Variants in TJP1 observed in about 807,000 individuals in gnomAD.
The protein encoded by TJP1 is tight junction protein 1.
In TJP1, 43 loss-of-function variants were observed where a neutral mutation model predicts 194.2. That is an observed-to-expected ratio of 0.22 (90% CI 0.17 to 0.29). TJP1 has a LOEUF of 0.29. Ranked by LOEUF, TJP1 falls within the 10% of genes least tolerant of loss-of-function variation. TJP1 has a pLI of 1.00. For missense variants in TJP1, 1,971 were observed against 2,185.7 expected (o/e 0.90, Z 1.96); for synonymous variants, 801 against 779.0 (o/e 1.03, Z -0.47).
At chr15:29,956,544 G>A (rs185046201) in intron 1 of TJP1, among the ~76,000 whole-genome samples, 2 of 152,276 alleles carry the variant, frequency 1.3e-5, no homozygotes, top group East Asian at 1.9e-4. Context: ...CTATTTCTTA[G>A]CTAGTTAAGA....
intron 1 of TJP1, among the ~76,000 whole-genome samples, chr15:29,958,902 T>C (rs2056049872): frequency 1.6e-5 from 2 of 122,500 alleles, no homozygotes; most frequent in Admixed American, 1.6e-4. Flanking sequence ...CTTCTCCAGA[T>C]TGCAAACTTG....
rs1596039654 is a variant in TJP1 at position 29,822,180 on chromosome 15, G to A, written c.-152C>T. On this transcript the variant is annotated 5_prime_UTR_variant, in exon 1 of 28. Transcript: ENST00000614355. The stretch of plus-strand genomic sequence containing the variant: ...GCCGGAAGGGCCCGGCCCAGGGGGA[G>A]GGAATTCAACTCGGACAAAAGTCCG... 5 of 1,180,586 alleles carry A rather than the reference G, an allele frequency of 4.2e-6. No homozygotes were observed. Among genetic ancestry groups the A allele is most frequent in the South Asian group, 4.3e-5 (1 of 23,086 alleles). 73.1% of individuals were successfully genotyped at this position (1,180,586 alleles called of 1,614,324 possible).
intron 2 of TJP1, among the ~76,000 whole-genome samples, chr15:29,794,961 C>T (rs1320159954): frequency 1.3e-5 from 2 of 152,032 alleles, no homozygotes; most frequent in Non-Finnish European, 2.9e-5. Flanking sequence ...AATTGTCAAA[C>T]CTCTAGCCAG....
At chr15:29,816,298 G>C (rs1474869726) in intron 1 of TJP1, among the ~76,000 whole-genome samples, 3 of 151,896 alleles carry the variant, frequency 2.0e-5, no homozygotes, top group Non-Finnish European at 2.9e-5. Context: ...CAAAGTGCAG[G>C]GATTACATGC....
chr15:29,845,761 G>A (rs1019248074), intron 2 of TJP1, among the ~76,000 whole-genome samples: 3 of 152,068 alleles, frequency 2.0e-5, no homozygotes, highest in South Asian at 4.1e-4. Flanking sequence ...CTGATATAGC[G>A]CCACTGCACT....
rs747571925 is a variant in TJP1 at position 29,726,877 on chromosome 15, T to C, written c.2215A>G (p.Met739Val). 9.9e-6 allele frequency: 16 copies of C among 1,614,206 alleles called. No individual in the cohort carries two copies. In the Middle Eastern group the frequency reaches 4.9e-4, roughly 50 times the overall value. ...NPDSKQGVKT[M>V]RMRLCPESRK... Reference sequence around the variant, plus strand: ...GATTCTGGACATAACCTCATTCTCATTGTTTTTACTCCTTGCTTAGAATCA... The same window carrying C: ...GATTCTGGACATAACCTCATTCTCACTGTTTTTACTCCTTGCTTAGAATCA... The change falls in exon 17 of 28, where the codon ATG becomes GTG. Residue 739 changes from methionine to valine, a missense_variant. Physicochemically the swap from Met to Val is conservative, Grantham distance 21. Transcript: ENST00000614355.
chr15:29,949,475 T>C (rs1420266250), intron 2 of TJP1, among the ~76,000 whole-genome samples: 10 of 31,686 alleles, frequency 3.2e-4, no homozygotes, highest in East Asian at 1.9e-3. Flanking sequence ...CACCACCACC[T>C]CCACAACCAC....
chr15:29,706,721 T>C (rs1031801747), intron 25 of TJP1, among the ~76,000 whole-genome samples: 2 of 152,040 alleles, frequency 1.3e-5, no homozygotes, highest in Non-Finnish European at 2.9e-5. Context: ...AGTACAGCGG[T>C]GCAATCTTGG....
Position 29,782,314 on chromosome 15 carries a change from T to C in TJP1, c.85-8957A>G, listed in dbSNP as rs180730733. ...TTCAAACTAAACTACAGGGCTACAG[T>C]AACCAAACAGCATGGTACTGTAACA... On this transcript the variant is annotated intron_variant, in intron 2 of 27. Coordinates refer to ENST00000614355, the MANE Select transcript of TJP1 (RefSeq NM_001330239.4). Among the ~76,000 whole-genome samples, 3 of 152,170 alleles carry C rather than the reference T, an allele frequency of 2.0e-5. No individual in the cohort carries two copies. In the East Asian group the frequency reaches 5.8e-4, roughly 29 times the overall value.
At chr15:29,834,026 C>T (rs1308593166) in intron 2 of TJP1, among the ~76,000 whole-genome samples, 1 of 121,294 alleles carries the variant, frequency 8.2e-6, no homozygotes, top group Non-Finnish European at 1.7e-5. Flanking sequence ...GGGATACAGG[C>T]GCCCGCCACC....
chr15:29,755,119 A>G (rs1260180142), intron 8 of TJP1, among the ~76,000 whole-genome samples: 1 of 152,216 alleles, frequency 6.6e-6, no homozygotes, highest in Non-Finnish European at 1.5e-5. Flanking sequence ...TTTAAGATAC[A>G]CAAATGCTAA....
At chr15:29,746,300 C>T (rs900070523) in intron 8 of TJP1, among the ~76,000 whole-genome samples, 3 of 152,006 alleles carry the variant, frequency 2.0e-5, no homozygotes, top group Admixed American at 6.5e-5. Context: ...ATGGCGTGAA[C>T]CCGGGAGGCG....
In TJP1 at chr15:29,729,810, G is replaced by A. The variant is rs190658870; in HGVS notation, c.2018-1791C>T. ...TGCACTCCAGCCTGGGCGACAGAGC[G>A]AGACTCTGTTTCAAAAAAAAAAAAA... is the stretch of plus-strand genomic sequence containing the variant. On this transcript the variant is annotated intron_variant, in intron 15 of 27. Transcript: ENST00000614355. 7.5e-3 allele frequency among the ~76,000 whole-genome samples: 1,104 copies of A among 146,640 alleles called. 14 individuals are homozygous for A. Among genetic ancestry groups the A allele is most frequent in the African/African-American group, 0.026 (1,042 of 39,634 alleles).
In TJP1 at chr15:29,854,817, T is replaced by G. The variant is rs546448420; in HGVS notation, c.307-54115A>C. On this transcript the variant is annotated intron_variant, in intron 2 of 28. Coordinates refer to the TJP1 transcript ENST00000356107. The stretch of plus-strand genomic sequence containing the variant: ...AAAAGAAACCTCAAAAATACTAGCT[T>G]ATGTAACCATGAGACCTTCAAACTG... 1.2e-3 allele frequency among the ~76,000 whole-genome samples: 189 copies of G among 152,124 alleles called. 1 individual carries two copies. The highest frequency in any genetic ancestry group is 4.3e-3 in the African/African-American group (177 of 41,508).
chr15:29,848,623 A>G (rs2051512781), intron 2 of TJP1, among the ~76,000 whole-genome samples: 2 of 152,180 alleles, frequency 1.3e-5, no homozygotes, highest in Non-Finnish European at 2.9e-5. Flanking sequence ...GCACTTTGGG[A>G]AGCCAAGGCG....
chr15:29,941,436 T>C (rs1434134282), intron 2 of TJP1, among the ~76,000 whole-genome samples: 2 of 152,096 alleles, frequency 1.3e-5, no homozygotes, highest in Non-Finnish European at 2.9e-5. Context: ...GTAGAACAGA[T>C]AAAAGCAGAG....
At chr15:29,735,187 C>A (rs1010808739) in intron 11 of TJP1, among the ~76,000 whole-genome samples, 3 of 151,686 alleles carry the variant, frequency 2.0e-5, no homozygotes, top group Non-Finnish European at 4.4e-5. Flanking sequence ...CTTCTTTCCA[C>A]CTTTTGGAAA....
At chr15:29,960,099 C>T (rs2056099885) in intron 1 of TJP1, among the ~76,000 whole-genome samples, 1 of 152,216 alleles carries the variant, frequency 6.6e-6, no homozygotes, top group South Asian at 2.1e-4. Context: ...ATAAATAAAT[C>T]TGTCTAGTGT....
At chr15:29,781,244 A>C (rs757556036) in intron 2 of TJP1, among the ~76,000 whole-genome samples, 2 of 152,188 alleles carry the variant, frequency 1.3e-5, no homozygotes, top group Non-Finnish European at 2.9e-5. Flanking sequence ...AAATTCCTGG[A>C]CAAACCCACC....
Sources: allele counts gnomAD v4.1 joint callset (sites outside exome capture counted in the v4.1 genomes callset), GRCh38; gene constraint gnomAD v4.1.1; transcripts MANE v1.5; gene names NCBI Gene and HGNC (gene_info 2026-07-23, HGNC 2026-07-21).